LSAMP: variants seen among roughly 807,000 people sequenced by gnomAD.
The protein encoded by LSAMP is limbic system associated membrane protein, also known as limbic system-associated membrane protein.
Under a neutral mutation model 38.6 loss-of-function variants are expected in LSAMP, and 7 were observed. That is an observed-to-expected ratio of 0.18 (90% CI 0.10 to 0.34). The LOEUF (loss-of-function observed/expected upper bound fraction) is 0.34. Among genes scored for constraint, LSAMP ranks in the 10% least tolerant of loss-of-function variants. The probability of loss-of-function intolerance (pLI) is 1.00; values close to 1 mark genes in which losing one functional copy is unlikely to be tolerated. For synonymous variants in LSAMP, 154 were observed against 166.8 expected (o/e 0.92, Z 0.59); for missense variants, 313 against 420.0 (o/e 0.75, Z 2.23).
intron 1 of LSAMP, among the ~76,000 whole-genome samples, chr3:116,092,811 G>A (rs1006694555): frequency 1.3e-5 from 2 of 152,226 alleles, no homozygotes; most frequent in Admixed American, 1.3e-4. Flanking sequence ...TTACTTAATA[G>A]CATATGTACT....
In LSAMP at chr3:116,033,857, C is replaced by A. The variant is rs372312745; in HGVS notation, c.389-14217G>T. On this transcript the variant is annotated intron_variant, in intron 2 of 6. Transcript: ENST00000490035. ...GATGCAGATGTGCCTGAGAATGGGTCGGAATCAGCAGCTCGTCCACAAGGG... is the reference window on the plus strand; with the variant it reads ...GATGCAGATGTGCCTGAGAATGGGTAGGAATCAGCAGCTCGTCCACAAGGG... Among the ~76,000 whole-genome samples the A allele has an allele frequency of 7.9e-5, 12 of 152,136 alleles. No homozygotes were observed. In the East Asian group the frequency reaches 2.1e-3, roughly 27 times the overall value.
At chr3:116,390,477 G>C (rs1390097158) in intron 1 of LSAMP, among the ~76,000 whole-genome samples, 1 of 152,090 alleles carries the variant, frequency 6.6e-6, no homozygotes, top group Non-Finnish European at 1.5e-5. Flanking sequence ...TCAGGTATGA[G>C]AGCAAGGAAA....
At chr3:116,430,297 C>T (rs1026049068) in intron 1 of LSAMP, among the ~76,000 whole-genome samples, 1 of 151,810 alleles carries the variant, frequency 6.6e-6, no homozygotes, top group Admixed American at 6.6e-5. Context: ...AACATATTTC[C>T]AAATGAAATT....
At chr3:116,128,605 C>G (rs1265213299) in intron 1 of LSAMP, among the ~76,000 whole-genome samples, 1 of 152,196 alleles carries the variant, frequency 6.6e-6, no homozygotes, top group Non-Finnish European at 1.5e-5. Flanking sequence ...TCTGTGCTGC[C>G]ACTCACTTGT....
In LSAMP at chr3:116,155,248, G is replaced by C. The variant is rs1559762658; in HGVS notation, c.156-68692C>G. Among the ~76,000 whole-genome samples, 3 of 151,928 alleles carry C rather than the reference G, an allele frequency of 2.0e-5. No individual in the cohort carries two copies. The South Asian group carries it at 6.2e-4, about 32-fold the overall frequency. On this transcript the variant is annotated intron_variant, in intron 1 of 6. Transcript: ENST00000490035. ...GTTTTGTTTTGTTTTTTTTGAGACA[G>C]AGTTTTGCTCTTGTTGCCCAGGCTG...
At chr3:115,972,644 T>TTTAATTC in intron 3 of LSAMP, among the ~76,000 whole-genome samples, 1 of 151,416 alleles carries the variant, frequency 6.6e-6, no homozygotes, top group Non-Finnish European at 1.5e-5. Context: ...GGGGTAAAGA[T>TTTAATTC]AAAATTAAAA....
intron 6 of LSAMP, among the ~76,000 whole-genome samples, chr3:115,824,571 A>G (rs1934346780): frequency 1.3e-5 from 2 of 152,128 alleles, no homozygotes; most frequent in South Asian, 4.1e-4. Flanking sequence ...GTGTGGTGGC[A>G]TGCACCTGTA....
At chr3:116,064,669 C>G (rs768813573) in intron 2 of LSAMP, among the ~76,000 whole-genome samples, 3 of 152,258 alleles carry the variant, frequency 2.0e-5, no homozygotes, top group Non-Finnish European at 4.4e-5. Flanking sequence ...TGAGCACCTA[C>G]TATATCAGGC....
intron 1 of LSAMP, among the ~76,000 whole-genome samples, chr3:116,311,567 C>T (rs2047558003): frequency 6.6e-6 from 1 of 152,150 alleles, no homozygotes; most frequent in South Asian, 2.1e-4. Flanking sequence ...TGTTTGAGCT[C>T]CATCCTTATT....
chr3:115,988,551 C>T (rs1939579727), intron 3 of LSAMP, among the ~76,000 whole-genome samples: 1 of 152,128 alleles, frequency 6.6e-6, no homozygotes, highest in African/African-American at 2.4e-5. Context: ...ACCCTCCTGC[C>T]TCAGCCTCCT....
At chr3:115,964,472 T>G (rs78359480) in intron 3 of LSAMP, among the ~76,000 whole-genome samples, 2,416 of 152,288 alleles carry the variant, frequency 0.016, 33 homozygotes, top group African/African-American at 0.042. Context: ...AGTAAGCATT[T>G]CTTTTAAAAT....
At chr3:115,949,955 T>C (rs1257534522) in intron 3 of LSAMP, among the ~76,000 whole-genome samples, 3 of 152,144 alleles carry the variant, frequency 2.0e-5, no homozygotes, top group Non-Finnish European at 4.4e-5. Flanking sequence ...ATAAATGTGA[T>C]ACATCACATA....
At chr3:116,231,526 G>A (rs544343878) in intron 1 of LSAMP, among the ~76,000 whole-genome samples, 1 of 152,278 alleles carries the variant, frequency 6.6e-6, no homozygotes, top group African/African-American at 2.4e-5. Context: ...GTATATCTTA[G>A]GACTATGTCA....
At chr3:116,416,936 A>G (rs1559860790) in intron 1 of LSAMP, among the ~76,000 whole-genome samples, 1 of 152,164 alleles carries the variant, frequency 6.6e-6, no homozygotes, top group Non-Finnish European at 1.5e-5. Flanking sequence ...AAAGGAAGGA[A>G]AACACAGGAG....
At chr3:115,873,549 T>C (rs1936104658) in intron 3 of LSAMP, among the ~76,000 whole-genome samples, 1 of 152,104 alleles carries the variant, frequency 6.6e-6, no homozygotes, top group African/African-American at 2.4e-5. Context: ...AATTAATTTT[T>C]CCGGTCATTC....
chr3:116,053,699 A>G (rs924508504), intron 2 of LSAMP, among the ~76,000 whole-genome samples: 3 of 152,176 alleles, frequency 2.0e-5, no homozygotes, highest in African/African-American at 7.2e-5. Flanking sequence ...GACAGAATGT[A>G]AGGAAGTTCG....
At chr3:116,297,700 T>C (rs1279679608) in intron 1 of LSAMP, among the ~76,000 whole-genome samples, 1 of 152,174 alleles carries the variant, frequency 6.6e-6, no homozygotes, top group Non-Finnish European at 1.5e-5. Flanking sequence ...TGGGGTGATT[T>C]GAAGACACTA....
At chr3:115,971,641 CT>C (rs774914439) in intron 3 of LSAMP, among the ~76,000 whole-genome samples, 15 of 152,068 alleles carry the variant, frequency 9.9e-5, no homozygotes, top group Non-Finnish European at 1.8e-4. Flanking sequence ...ATAAAGACTC[CT>C]CTATCATTTG....
chr3:116,418,848 T>C (rs1430564181), intron 1 of LSAMP, among the ~76,000 whole-genome samples: 2 of 152,142 alleles, frequency 1.3e-5, no homozygotes, highest in Non-Finnish European at 2.9e-5. Context: ...CTAAAACCGC[T>C]TGAGCTCCCC....
Sources: gnomAD v4.1 joint callset for allele counts (sites outside exome capture counted in the v4.1 genomes callset) on GRCh38, gnomAD v4.1.1 for gene constraint, MANE v1.5 for transcripts, NCBI Gene and HGNC (gene_info 2026-07-23, HGNC 2026-07-21) for gene names.